Variants in ZNF385D observed in about 807,000 individuals in gnomAD.
ZNF385D encodes the protein zinc finger protein 385D.
A neutral mutation model predicts 35.8 loss-of-function variants in ZNF385D; 15 were observed. The ratio of observed to expected loss-of-function variants is 0.42; its 90% CI spans 0.28 to 0.64. The LOEUF is 0.64. Ranked by LOEUF, ZNF385D falls within the 30% of genes least tolerant of loss-of-function variation. ZNF385D has a pLI of 0.23. For synonymous variants in ZNF385D, 212 were observed against 186.8 expected (o/e 1.13, Z -1.10); for missense variants, 474 against 494.6 (o/e 0.96, Z 0.39).
chr3:21,989,224 C>T (rs1315601778), intron 3 of ZNF385D, among the ~76,000 whole-genome samples: 2 of 152,150 alleles, frequency 1.3e-5, no homozygotes, highest in African/African-American at 2.4e-5. Flanking sequence ...TAGGAATGGT[C>T]GTGGTTTAAC....
intron 3 of ZNF385D, among the ~76,000 whole-genome samples, chr3:21,919,285 G>A (rs1365166702): frequency 6.6e-6 from 1 of 152,160 alleles, no homozygotes; most frequent in African/African-American, 2.4e-5. Context: ...AATACATGTT[G>A]CCTGGCATCA....
chr3:22,255,435 G>A lies in ZNF385D; in HGVS notation c.107-86400C>T, dbSNP rs373891929. On this transcript the variant is annotated intron_variant, in intron 2 of 5. Transcript: ENST00000494108. ...CTTACTTACACACACTTAACATTTT[G>A]GGGATTCTTTTCATATTCTTAACAA... Among the ~76,000 whole-genome samples the A allele has an allele frequency of 1.2e-3, 182 of 151,834 alleles. 1 individual carries two copies. Among genetic ancestry groups the A allele is most frequent in the African/African-American group, 3.5e-3 (146 of 41,458 alleles).
intron 3 of ZNF385D, among the ~76,000 whole-genome samples, chr3:22,078,077 C>A (rs974773020): frequency 6.6e-6 from 1 of 151,986 alleles, no homozygotes; most frequent in Non-Finnish European, 1.5e-5. Context: ...TTTGTGAGTA[C>A]CATTTTAGTT....
upstream of ZNF385D, among the ~76,000 whole-genome samples, chr3:21,751,688 A>C (rs2070095802): frequency 6.6e-6 from 1 of 152,152 alleles, no homozygotes; most frequent in African/African-American, 2.4e-5. Context: ...TGCTAGGGTA[A>C]TAGAGGTTCA....
At chr3:21,526,909 T>C (rs968837624) in intron 3 of ZNF385D, among the ~76,000 whole-genome samples, 2 of 152,186 alleles carry the variant, frequency 1.3e-5, no homozygotes, top group Non-Finnish European at 2.9e-5. Context: ...AATAGGTATT[T>C]CCATATTATA....
At chr3:22,191,516 TC>T (rs1696029170) in intron 2 of ZNF385D, among the ~76,000 whole-genome samples, 1 of 151,912 alleles carries the variant, frequency 6.6e-6, no homozygotes, top group African/African-American at 2.4e-5. Flanking sequence ...GGACAATTTT[TC>T]CTAATGTGAT....
intron 3 of ZNF385D, among the ~76,000 whole-genome samples, chr3:22,158,371 G>C (rs1705724149): frequency 6.6e-6 from 1 of 151,868 alleles, no homozygotes; most frequent in Admixed American, 6.6e-5. Context: ...TGACTTTATA[G>C]GTTTCCTTAC....
chr3:22,038,802 C>T (rs1043695042), intron 3 of ZNF385D, among the ~76,000 whole-genome samples: 1 of 151,592 alleles, frequency 6.6e-6, no homozygotes, highest in Non-Finnish European at 1.5e-5. Flanking sequence ...TGTAGTTAAG[C>T]ACATTTTTAA....
At chr3:22,158,210 T>C (rs946308795) in intron 3 of ZNF385D, among the ~76,000 whole-genome samples, 1 of 152,002 alleles carries the variant, frequency 6.6e-6, no homozygotes, top group Non-Finnish European at 1.5e-5. Context: ...GGCAGGTGAG[T>C]TATATCTGAG....
rs1467156988 is a variant in ZNF385D, at chr3:21,921,219, T to C, written c.325+247598A>G. On this transcript the variant is annotated intron_variant, in intron 3 of 5. Coordinates refer to the ZNF385D transcript ENST00000494108. ...GCCTGGGCGACAGAGCGAGACTCCATCTCAAAAAAAAAAAAAAAAAAAAAT... is the reference window on the plus strand; with the variant it reads ...GCCTGGGCGACAGAGCGAGACTCCACCTCAAAAAAAAAAAAAAAAAAAAAT... Among the ~76,000 whole-genome samples, 16 of 51,178 alleles carry C rather than the reference T, an allele frequency of 3.1e-4. No individual in the cohort carries two copies. In the East Asian group the frequency reaches 5.9e-3, roughly 19 times the overall value. The allele number at this position is 51,178 out of a possible 152,430, so 33.6% of individuals were successfully genotyped here.
chr3:21,515,807 G>A (rs138740637), intron 3 of ZNF385D, among the ~76,000 whole-genome samples: 10 of 152,284 alleles, frequency 6.6e-5, no homozygotes, highest in African/African-American at 1.9e-4. Flanking sequence ...ACAAGATTAG[G>A]ATTATGGAAG....
At chr3:21,895,913 C>A (rs532187185) in intron 3 of ZNF385D, among the ~76,000 whole-genome samples, 13 of 152,100 alleles carry the variant, frequency 8.5e-5, no homozygotes, top group South Asian at 6.2e-4. Flanking sequence ...ACATTAAAAT[C>A]AAAAATTTTG....
chr3:22,050,198 T>C (rs553189175), intron 3 of ZNF385D, among the ~76,000 whole-genome samples: 11 of 139,178 alleles, frequency 7.9e-5, no homozygotes, highest in Non-Finnish European at 1.7e-4. Context: ...AGATTGGGTT[T>C]AAAAAAAAAA....
intron 2 of ZNF385D, among the ~76,000 whole-genome samples, chr3:21,631,160 A>ACTTTCTGATGACAATTTCCTTTTCCACG (rs1265596717): frequency 6.6e-6 from 1 of 152,054 alleles, no homozygotes; most frequent in Non-Finnish European, 1.5e-5. Context: ...CTGAATAGAA[A>ACTTTCTGATGACAATTTCCTTTTCCACG]CTTTCTGATG....
intron 3 of ZNF385D, among the ~76,000 whole-genome samples, chr3:21,852,980 A>G (rs559784358): frequency 6.6e-6 from 1 of 151,950 alleles, no homozygotes; most frequent in Non-Finnish European, 1.5e-5. Context: ...TTCCCTCCAC[A>G]CTAATAAAAC....
rs570469585 is a variant in ZNF385D at position 21,472,577 on chromosome 3, T to C, written c.440-35374A>G. Among the ~76,000 whole-genome samples the C allele has an allele frequency of 9.8e-5, 15 of 152,318 alleles. No homozygotes were observed. In the East Asian group the frequency reaches 2.9e-3, roughly 29 times the overall value. On this transcript the variant is annotated intron_variant, in intron 4 of 7. Coordinates refer to ENST00000281523, the MANE Select transcript of ZNF385D (RefSeq NM_024697.3). ...AATTAAAATAAATTTGACCTAAAGC[T>C]GCTTCCACCTGCAGCAAACTGCAAT...
At chr3:22,068,525 T>A (rs369919096) in intron 3 of ZNF385D, among the ~76,000 whole-genome samples, 1 of 152,200 alleles carries the variant, frequency 6.6e-6, no homozygotes, top group East Asian at 1.9e-4. Context: ...AATTTAAAAC[T>A]TTTTATTATA....
At chr3:21,673,920 A>G (rs919012612) in intron 1 of ZNF385D, among the ~76,000 whole-genome samples, 2 of 152,130 alleles carry the variant, frequency 1.3e-5, no homozygotes, top group Non-Finnish European at 2.9e-5. Flanking sequence ...TAATGTATGC[A>G]GTTAAACCTG....
chr3:21,598,727 A>G (rs1001131374), intron 2 of ZNF385D, among the ~76,000 whole-genome samples: 2 of 152,264 alleles, frequency 1.3e-5, no homozygotes, highest in African/African-American at 4.8e-5. Context: ...TAAAGGAAAT[A>G]AATATCTGAG....
Sources: gnomAD v4.1 joint callset for allele counts (sites outside exome capture counted in the v4.1 genomes callset) on GRCh38, gnomAD v4.1.1 for gene constraint, MANE v1.5 for transcripts, NCBI Gene and HGNC (gene_info 2026-07-23, HGNC 2026-07-21) for gene names.